The following LRRC8D variants were observed in gnomAD, a reference collection of about 807,000 sequenced individuals.
LRRC8D encodes leucine rich repeat containing 8 VRAC subunit D.
LRRC8D carries 20 observed loss-of-function variants against 55.8 expected under a neutral mutation model. The observed-to-expected ratio is 0.36, with a 90% CI of 0.25 to 0.52. The LOEUF (loss-of-function observed/expected upper bound fraction) is 0.52, where lower values mean the gene tolerates loss of function less well. LRRC8D is among the 20% of genes least tolerant of loss of function. LRRC8D has a pLI of 0.93. For synonymous variants in LRRC8D, 352 were observed against 377.0 expected (o/e 0.93, Z 0.77); for missense variants, 651 against 1,030.8 (o/e 0.63, Z 5.05).
rs1229354442 is a variant in LRRC8D at position 89,933,199 on chromosome 1, C to A, written c.131C>A (p.Thr44Asn). ...VMLMVAIFAG[T>N]MQLTKDQVVC... ...TTAATGGTAGCCATCTTTGCAGGAA[C>A]CATGCAACTTACCAAAGATCAGGTG... Residue 44 changes from threonine (T) to asparagine (N), a missense_variant, in exon 3 of 3, where the codon ACC becomes AAC. Around this residue, in one of 5 missense-constraint regions of LRRC8D, gnomAD observed 118 missense variants for 138.0 expected, o/e 0.85. Transcript: ENST00000337338. This position sits in a 1 kb window ranked among gnomAD's most constrained non-coding sequence, Gnocchi z 7.0. 1 of 1,614,174 alleles carries A rather than the reference C, an allele frequency of 6.2e-7. No homozygotes were observed. The highest frequency in any genetic ancestry group is 8.5e-7 in the Non-Finnish European group (1 of 1,180,036).
chr1:89,875,112 A>C (rs1662115642), intron 2 of LRRC8D, among the ~76,000 whole-genome samples: 1 of 152,226 alleles, frequency 6.6e-6, no homozygotes. Flanking sequence ...ATAAAGCTAC[A>C]AACCAATATT....
chr1:89,920,639 C>T (rs1005107306), intron 2 of LRRC8D, among the ~76,000 whole-genome samples: 1 of 144,476 alleles, frequency 6.9e-6, no homozygotes, highest in African/African-American at 2.6e-5. Context: ...ATATTGTATA[C>T]TTGTAATACC....
chr1:89,914,300 G>T lies in LRRC8D; in HGVS notation c.-2-18767G>T, dbSNP rs553734210. On this transcript the variant is annotated intron_variant, in intron 2 of 2. Transcript: ENST00000337338. Reference sequence around the variant, plus strand: ...GCCCACCCGGAACTCCAGCTGGCCCGCAAGCACAGCACGCAGCCTTGGTTC... The same window carrying T: ...GCCCACCCGGAACTCCAGCTGGCCCTCAAGCACAGCACGCAGCCTTGGTTC... 2.0e-5 allele frequency among the ~76,000 whole-genome samples: 3 copies of T among 152,342 alleles called. No individual in the cohort carries two copies. In the South Asian group the frequency reaches 6.2e-4, roughly 32 times the overall value.
At chr1:89,826,920 A>T (rs1660778752) in intron 1 of LRRC8D, among the ~76,000 whole-genome samples, 1 of 152,220 alleles carries the variant, frequency 6.6e-6, no homozygotes, top group South Asian at 2.1e-4. Context: ...GTTGGGTATT[A>T]AGGGGAAATT....
chr1:89,867,992 G>A (rs1259871013), intron 2 of LRRC8D, among the ~76,000 whole-genome samples: 1 of 152,148 alleles, frequency 6.6e-6, no homozygotes, highest in African/African-American at 2.4e-5. Flanking sequence ...AGTAGAAATG[G>A]TTTAGCAGTC....
At chr1:89,923,333 G>A (rs772429034) in intron 2 of LRRC8D, among the ~76,000 whole-genome samples, 4 of 152,130 alleles carry the variant, frequency 2.6e-5, no homozygotes, top group Admixed American at 6.5e-5. Context: ...TGTTTTTCAA[G>A]TTAAAAAACA....
chr1:89,867,483 C>A (rs1661880808), intron 2 of LRRC8D, among the ~76,000 whole-genome samples: 1 of 152,210 alleles, frequency 6.6e-6, no homozygotes, highest in Admixed American at 6.5e-5. Context: ...AAAACTGAAA[C>A]TATATACTCC....
intron 2 of LRRC8D, among the ~76,000 whole-genome samples, chr1:89,859,119 A>T (rs966455310): frequency 6.6e-6 from 1 of 152,210 alleles, no homozygotes; most frequent in Admixed American, 6.5e-5. Flanking sequence ...GGGGTCAGAA[A>T]TCAAATTTCT....
intron 2 of LRRC8D, among the ~76,000 whole-genome samples, chr1:89,879,507 G>A (rs114636859): frequency 0.013 from 2,052 of 152,292 alleles, 47 homozygotes; most frequent in African/African-American, 0.047. Context: ...GGTTTTTTAT[G>A]TTGGGATATT....
chr1:89,862,100 G>A (rs924411820), intron 2 of LRRC8D, among the ~76,000 whole-genome samples: 10 of 152,122 alleles, frequency 6.6e-5, no homozygotes, highest in African/African-American at 2.4e-4. Flanking sequence ...TAAAAGAGCT[G>A]GTTATACCGT....
intron 2 of LRRC8D, among the ~76,000 whole-genome samples, chr1:89,932,354 G>T (rs1296761534): frequency 6.6e-6 from 1 of 152,116 alleles, no homozygotes; most frequent in African/African-American, 2.4e-5. Flanking sequence ...CAGAGTTTCA[G>T]CTATATATAT....
intron 2 of LRRC8D, among the ~76,000 whole-genome samples, chr1:89,892,662 G>T (rs1371957769): frequency 6.6e-6 from 1 of 152,142 alleles, no homozygotes; most frequent in Non-Finnish European, 1.5e-5. Flanking sequence ...GGGGCTATAG[G>T]CGCCCGCCAA....
rs78852544 is a variant in LRRC8D at position 89,905,616 on chromosome 1, T to G, written c.-2-27451T>G. Among the ~76,000 whole-genome samples, 151 of 152,304 alleles carry G rather than the reference T, an allele frequency of 9.9e-4. 1 individual carries two copies. Among genetic ancestry groups the G allele is most frequent in the African/African-American group, 3.4e-3 (142 of 41,560 alleles). On this transcript the variant is annotated intron_variant, in intron 2 of 2. Coordinates refer to ENST00000337338, the MANE Select transcript of LRRC8D (RefSeq NM_001134479.2). Reference sequence around the variant, plus strand: ...CATCTTTATTACTGATGATGCACTTTGGAGAATATGGCTTTGGGTCTGCAG... The same window carrying G: ...CATCTTTATTACTGATGATGCACTTGGGAGAATATGGCTTTGGGTCTGCAG...
chr1:89,857,998 G>A (rs1033464434), intron 2 of LRRC8D, among the ~76,000 whole-genome samples: 1 of 152,230 alleles, frequency 6.6e-6, no homozygotes, highest in Non-Finnish European at 1.5e-5. Flanking sequence ...GGAGGCTGAG[G>A]TGGGTGGATC....
intron 2 of LRRC8D, among the ~76,000 whole-genome samples, chr1:89,882,569 G>C (rs1662312122): frequency 6.6e-6 from 1 of 152,174 alleles, no homozygotes; most frequent in Admixed American, 6.5e-5. Flanking sequence ...CCATCTAGGA[G>C]AAGAAAACCA....
chr1:89,832,725 C>T (rs569454769), intron 1 of LRRC8D, among the ~76,000 whole-genome samples: 1 of 152,150 alleles, frequency 6.6e-6, no homozygotes, highest in African/African-American at 2.4e-5. Context: ...GGAAGTGAAA[C>T]TTGTAAATAA....
At chr1:89,859,919 G>T (rs1661657973) in intron 2 of LRRC8D, among the ~76,000 whole-genome samples, 1 of 152,222 alleles carries the variant, frequency 6.6e-6, no homozygotes, top group Non-Finnish European at 1.5e-5. Context: ...TTACTTTGAA[G>T]TAAATTTCTC....
intron 2 of LRRC8D, among the ~76,000 whole-genome samples, chr1:89,871,224 G>A (rs1337673810): frequency 6.6e-6 from 1 of 152,194 alleles, no homozygotes; most frequent in East Asian, 1.9e-4. Context: ...TGTTTATAGA[G>A]TCAAATTATC....
chr1:89,860,250 A>C (rs1358475590), intron 2 of LRRC8D, among the ~76,000 whole-genome samples: 1 of 152,242 alleles, frequency 6.6e-6, no homozygotes, highest in Admixed American at 6.5e-5. Context: ...AAGAAAGGAA[A>C]ACCTCAACAC....
Sources: allele counts gnomAD v4.1 joint callset (sites outside exome capture counted in the v4.1 genomes callset), GRCh38; gene constraint gnomAD v4.1.1; regional missense constraint gnomAD v4.1.1; non-coding constraint Gnocchi (gnomAD v3.1); transcripts MANE v1.5; gene names NCBI Gene and HGNC (gene_info 2026-07-23, HGNC 2026-07-21).